The following NGLY1 variants were observed in gnomAD, a reference collection of about 807,000 sequenced individuals.
The protein encoded by NGLY1 is N-glycanase 1.
In NGLY1, 68 loss-of-function variants were observed where a neutral mutation model predicts 84.6. The ratio of observed to expected loss-of-function variants is 0.80; its 90% confidence interval spans 0.66 to 0.98. The LOEUF (loss-of-function observed/expected upper bound fraction) is 0.98, where lower values mean the gene tolerates loss of function less well. NGLY1 is among the 50% of genes least tolerant of loss of function. The pLI, the probability that NGLY1 is intolerant of heterozygous loss-of-function variation, is 0.00. For missense variants in NGLY1, 779 were observed against 770.2 expected (o/e 1.01, Z -0.14); for synonymous variants, 280 against 275.2 (o/e 1.02, Z -0.17).
intron 2 of NGLY1, among the ~76,000 whole-genome samples, chr3:25,774,900 C>T (rs1205299648): frequency 6.6e-6 from 1 of 152,186 alleles, no homozygotes; most frequent in Non-Finnish European, 1.5e-5. Flanking sequence ...CCACTGGCAG[C>T]CCTCCCCAAG....
At chr3:25,767,291 CAA>C (rs545173545) in intron 2 of NGLY1, among the ~76,000 whole-genome samples, 26 of 89,388 alleles carry the variant, frequency 2.9e-4, no homozygotes, top group Non-Finnish European at 2.3e-4. Context: ...GACTCCGTCT[CAA>C]AAAAAAAAAA....
At chr3:25,746,709 C>T (rs960173203) in intron 4 of NGLY1, among the ~76,000 whole-genome samples, 2 of 152,184 alleles carry the variant, frequency 1.3e-5, no homozygotes, top group African/African-American at 4.8e-5. Context: ...TAGATTTTTG[C>T]TCCTTGAGCA....
chr3:25,752,905 C>T (rs1247647106), intron 3 of NGLY1, among the ~76,000 whole-genome samples: 1 of 151,796 alleles, frequency 6.6e-6, no homozygotes, highest in Non-Finnish European at 1.5e-5. Context: ...AGTGATCAGT[C>T]AATTAATAAC....
At position 25,755,191 on chromosome 3, in the gene NGLY1, T is replaced by C. The variant is rs113925569; in HGVS notation, c.493-3928A>G. On this transcript the variant is annotated intron_variant, in intron 3 of 11. Transcript: ENST00000280700. The stretch of plus-strand genomic sequence containing the variant: ...TTTTTACCTCTCTTCCCCCAAGAGG[T>C]TTCTTACTGGATATTGCAAGGCAGA... 1.0e-5 allele frequency: 14 copies of C among 1,334,184 alleles called. 1 individual carries two copies. Among genetic ancestry groups the C allele is most frequent in the African/African-American group, 1.0e-4 (7 of 69,314 alleles). 82.6% of individuals were successfully genotyped at this position (1,334,184 alleles called of 1,614,324 possible). A position where few individuals can be genotyped will look rare whatever the true frequency, so the allele number is the denominator to read the frequency against.
At chr3:25,771,713 T>C (rs963334855) in intron 2 of NGLY1, among the ~76,000 whole-genome samples, 4 of 152,210 alleles carry the variant, frequency 2.6e-5, no homozygotes, top group Admixed American at 2.0e-4. Context: ...CCTTCAGCAA[T>C]GTTTTGTAGT....
intron 3 of NGLY1, among the ~76,000 whole-genome samples, chr3:25,760,920 A>T (rs948590297): frequency 7.6e-6 from 1 of 131,620 alleles, no homozygotes; most frequent in African/African-American, 2.7e-5. Context: ...AAAAAAAAAA[A>T]GCTCGCACAC....
intron 3 of NGLY1, among the ~76,000 whole-genome samples, chr3:25,752,585 G>A (rs1259335365): frequency 6.6e-6 from 1 of 151,736 alleles, no homozygotes; most frequent in Non-Finnish European, 1.5e-5. Flanking sequence ...AAGGTGGAAG[G>A]ATTACTTGAG....
chr3:25,722,777 G>A (rs909351720), intron 10 of NGLY1, among the ~76,000 whole-genome samples: 1 of 152,064 alleles, frequency 6.6e-6, no homozygotes, highest in African/African-American at 2.4e-5. Flanking sequence ...GGAGGATGTG[G>A]GACTCAGGAC....
chr3:25,776,802 C>G (rs1708174470), intron 2 of NGLY1, among the ~76,000 whole-genome samples: 1 of 152,162 alleles, frequency 6.6e-6, no homozygotes, highest in African/African-American at 2.4e-5. Context: ...AAAAAGAAAT[C>G]CTGGATCCAT....
intron 6 of NGLY1, chr3:25,736,522 C>A: frequency 1.5e-6 from 1 of 678,734 alleles, no homozygotes; most frequent in South Asian, 2.1e-5. Flanking sequence ...AGGCCCAGAA[C>A]CAGCAGGAAG....
intron 5 of NGLY1, among the ~76,000 whole-genome samples, chr3:25,737,891 C>T (rs914416171): frequency 6.6e-6 from 1 of 152,130 alleles, no homozygotes; most frequent in African/African-American, 2.4e-5. Flanking sequence ...ATATATGAGG[C>T]ACAATGTTAG....
chr3:25,766,017 A>ACAT (rs1707550050), intron 2 of NGLY1, among the ~76,000 whole-genome samples: 1 of 151,692 alleles, frequency 6.6e-6, no homozygotes, highest in Admixed American at 6.6e-5. Flanking sequence ...CGTTTTAAAT[A>ACAT]CATCATCTCA....
intron 2 of NGLY1, among the ~76,000 whole-genome samples, chr3:25,775,246 T>C (rs866788341): frequency 1.3e-5 from 2 of 152,240 alleles, no homozygotes; most frequent in African/African-American, 2.4e-5. Flanking sequence ...TTCCAGGCAC[T>C]GTTCTGTCAG....
intron 1 of NGLY1, among the ~76,000 whole-genome samples, chr3:25,779,577 T>C (rs895618189): frequency 2.0e-5 from 3 of 150,936 alleles, no homozygotes; most frequent in Non-Finnish European, 4.4e-5. Flanking sequence ...CATAGGAAGA[T>C]GTACTTCCAT....
chr3:25,747,093 A>G (rs1334878069), intron 4 of NGLY1, among the ~76,000 whole-genome samples: 1 of 152,152 alleles, frequency 6.6e-6, no homozygotes, highest in Non-Finnish European at 1.5e-5. Flanking sequence ...CATACATTAC[A>G]TTTGTTGGAC....
upstream of NGLY1, among the ~76,000 whole-genome samples, chr3:25,783,742 T>G (rs955227049): frequency 2.0e-5 from 3 of 152,064 alleles, no homozygotes; most frequent in Admixed American, 6.5e-5. The surrounding 1 kb of genome is among the most constrained non-coding windows in gnomAD (Gnocchi z 4.5). Context: ...GGCGAGGTGC[T>G]TCGACCCAGA....
chr3:25,729,215 T>C lies in NGLY1; in HGVS notation c.1529A>G (p.Asn510Ser), dbSNP rs780775631. ...CTCCCATCCAGAAATGGTTTGATTGTTATTTGAAACTCGAACATAACGATC... is the reference window on the plus strand; with the variant it reads ...CTCCCATCCAGAAATGGTTTGATTGCTATTTGAAACTCGAACATAACGATC... ...VKDRYVRVSN[N>S]NQTISGWENG... Residue 510 changes from asparagine to serine, a missense_variant, in exon 10 of 12, where the codon AAC becomes AGC. By Grantham distance (46) the Asn-to-Ser change is conservative. Coordinates refer to ENST00000280700, the MANE Select transcript of NGLY1 (RefSeq NM_018297.4). 6.4e-7 allele frequency: 1 copy of C among 1,568,928 alleles called. No homozygotes were observed. The highest frequency in any genetic ancestry group is 1.2e-5 in the South Asian group (1 of 83,934).
At chr3:25,788,747 T>C (rs985989036) in intron 1 of NGLY1, among the ~76,000 whole-genome samples, 1 of 152,212 alleles carries the variant, frequency 6.6e-6, no homozygotes, top group Non-Finnish European at 1.5e-5. Flanking sequence ...TATAACCACA[T>C]GTGTTTGTTT....
chr3:25,723,541 C>A (rs80355597), intron 10 of NGLY1, among the ~76,000 whole-genome samples: 2,000 of 148,860 alleles, frequency 0.013, 43 homozygotes, highest in African/African-American at 0.047. Flanking sequence ...TTAAAATGTA[C>A]CACAACAATA....
Sources: allele counts gnomAD v4.1 joint callset (sites outside exome capture counted in the v4.1 genomes callset), GRCh38; gene constraint gnomAD v4.1.1; non-coding constraint Gnocchi (gnomAD v3.1); transcripts MANE v1.5; gene names NCBI Gene and HGNC (gene_info 2026-07-23, HGNC 2026-07-21).